DEFB126: variants seen among roughly 807,000 people sequenced by gnomAD.
DEFB126 encodes beta-defensin 126.
A neutral mutation model predicts 2.5 loss-of-function variants in DEFB126; 2 were observed. The ratio of observed to expected loss-of-function variants is 0.79; its 90% confidence interval spans 0.32 to 2.49. The LOEUF is 2.49. DEFB126 is among the 30% of genes most tolerant of loss of function. DEFB126 has a pLI of 0.11. For missense variants in DEFB126, 136 were observed against 135.4 expected (o/e 1.00, Z -0.02); for synonymous variants, 51 against 45.4 (o/e 1.12, Z -0.50).
In DEFB126 at chr20:145,675, G is replaced by A. The variant is rs79041881; in HGVS notation, c.319G>A (p.Val107Ile). The A allele has an allele frequency of 1.5e-5, 23 of 1,561,432 alleles. No individual in the cohort carries two copies. Among genetic ancestry groups the A allele is most frequent in the African/African-American group, 6.9e-5 (5 of 72,670 alleles). ...ASMSSMAPTP[V>I]SPTG The stretch of plus-strand genomic sequence containing the variant: ...GATGTCTTCGATGGCTCCTACCCCC[G>A]TTTCTCCCACTGGTTGAACATTCCA... The change falls in exon 2 of 2, where the codon GTT becomes ATT. Residue 107 changes from valine to isoleucine, a missense_variant. Val to Ile is a conservative substitution (Grantham distance 29). Transcript: ENST00000382398.
intron 1 of DEFB126, 100 bp downstream of exon 1, chr20:142,786 C>T: frequency 7.9e-7 from 1 of 1,263,522 alleles, no homozygotes. Context: ...GGTCTGGCTT[C>T]TCACTGGGAG....
At position 142,609 on chromosome 20, in the gene DEFB126, A is replaced by G. The variant is rs945982832; in HGVS notation, c.-20A>G. ...TACTGAATAGAGACTTCTGGACTCT[A>G]TAGAACCCACTGCCTCCTGATGAAG... On this transcript the variant is annotated 5_prime_UTR_variant, in exon 1 of 2. Coordinates refer to ENST00000382398, the MANE Select transcript of DEFB126 (RefSeq NM_030931.4). 7 of 1,613,440 alleles carry G rather than the reference A, an allele frequency of 4.3e-6. No homozygotes were observed. Among genetic ancestry groups the G allele is most frequent in the African/African-American group, 1.3e-5 (1 of 74,896 alleles).
rs770594157 is a variant in DEFB126 at position 145,655 on chromosome 20, C to G, written c.299C>G (p.Ser100Cys). Reference sequence around the variant, plus strand: ...TTGATGATGACTACTGCTTCGATGTCTTCGATGGCTCCTACCCCCGTTTCT... The same window carrying G: ...TTGATGATGACTACTGCTTCGATGTGTTCGATGGCTCCTACCCCCGTTTCT... ...TTLMMTTASM[S>C]SMAPTPVSPT... Residue 100 changes from serine to cysteine, a missense_variant, in exon 2 of 2, where the codon TCT (serine) becomes TGT (cysteine). Coordinates refer to ENST00000382398, the MANE Select transcript of DEFB126 (RefSeq NM_030931.4). 1 of 1,580,988 alleles carries G rather than the reference C, an allele frequency of 6.3e-7. No individual in the cohort carries two copies. Among genetic ancestry groups the G allele is most frequent in the African/African-American group, 1.5e-5 (1 of 65,312 alleles).
chr20:142,668 C>CT lies in DEFB126; in HGVS notation c.41dup (p.Ala15GlyfsTer7). The CT allele has an allele frequency of 6.2e-7, 1 of 1,613,838 alleles. No homozygotes were observed. Among genetic ancestry groups the CT allele is most frequent in the Non-Finnish European group, 8.5e-7 (1 of 1,179,742 alleles). On this transcript the variant is annotated frameshift_variant, in exon 1 of 2. Coordinates refer to ENST00000382398, the MANE Select transcript of DEFB126 (RefSeq NM_030931.4). LOFTEE classifies it low-confidence loss of function (END_TRUNC). ...GTTCACCCTTGCAGTTTTTATGCTC[C>CT]TGGCCCAATTGGTCTCAGGTAAACA...
At chr20:145,168 G>T (rs888844694) in intron 1 of DEFB126, among the ~76,000 whole-genome samples, 3 of 152,046 alleles carry the variant, frequency 2.0e-5, no homozygotes, top group African/African-American at 4.8e-5. Flanking sequence ...ATGGGGAATT[G>T]GCCCCTGGTA....
intron 1 of DEFB126, 27 bp downstream of exon 1, chr20:142,713 A>G: frequency 6.2e-7 from 1 of 1,611,992 alleles, no homozygotes; most frequent in Non-Finnish European, 8.5e-7. Flanking sequence ...GGAAGAAGAA[A>G]CACTGGCCTG....
chr20:143,314 A>G lies in DEFB126; in HGVS notation c.58+628A>G, dbSNP rs150984541. Among the ~76,000 whole-genome samples, 7 of 152,346 alleles carry G rather than the reference A, an allele frequency of 4.6e-5. No homozygotes were observed. In the East Asian group the frequency reaches 5.8e-4, roughly 13 times the overall value. Reference sequence around the variant, plus strand: ...TTACAAAACCAAGACAAGAACACTGAAAGTTATTTAGAAATAAATTGGCCA... The same window carrying G: ...TTACAAAACCAAGACAAGAACACTGGAAGTTATTTAGAAATAAATTGGCCA... On this transcript the variant is annotated intron_variant, in intron 1 of 1. Transcript: ENST00000382398.
At chr20:144,049 C>A (rs920273614) in intron 1 of DEFB126, among the ~76,000 whole-genome samples, 1 of 151,970 alleles carries the variant, frequency 6.6e-6, no homozygotes, top group African/African-American at 2.4e-5. Context: ...AGTTTATATT[C>A]CCTAATTTGC....
At chr20:143,149 G>C (rs1449762151) in intron 1 of DEFB126, among the ~76,000 whole-genome samples, 1 of 151,898 alleles carries the variant, frequency 6.6e-6, no homozygotes, top group South Asian at 2.1e-4. Flanking sequence ...AACAGGAAAG[G>C]CTGTTTCTAT....
intron 1 of DEFB126, 59 bp downstream of exon 1, chr20:142,745 G>A: frequency 6.4e-7 from 1 of 1,570,838 alleles, no homozygotes; most frequent in South Asian, 1.1e-5. Flanking sequence ...TGCACATGGA[G>A]TCCCTGTTTC....
At chr20:145,124 TAAC>T (rs919211716) in intron 1 of DEFB126, among the ~76,000 whole-genome samples, 4 of 152,308 alleles carry the variant, frequency 2.6e-5, no homozygotes, top group African/African-American at 9.6e-5. Context: ...TGTTCATGTA[TAAC>T]AACATGCTAT....
chr20:145,360 T>TA lies in DEFB126; in HGVS notation c.59-54dup, dbSNP rs2054662685. On this transcript the variant is annotated intron_variant, in intron 1 of 1. Coordinates refer to ENST00000382398, the MANE Select transcript of DEFB126 (RefSeq NM_030931.4). Reference sequence around the variant, plus strand: ...GTGCTCAAAAACTATTGCTATTTTTTATCCTCCTGTGATAAATACTTAGGC... The same window carrying TA: ...GTGCTCAAAAACTATTGCTATTTTTTAATCCTCCTGTGATAAATACTTAGGC... 8.5e-6 allele frequency: 13 copies of TA among 1,530,544 alleles called. No homozygotes were observed. The South Asian group carries it at 1.4e-4, about 16-fold the overall frequency. The allele number at this position is 1,530,544 out of a possible 1,614,324, so 94.8% of individuals were successfully genotyped here.
intron 1 of DEFB126, among the ~76,000 whole-genome samples, chr20:144,861 G>A (rs1019045989): frequency 6.6e-6 from 1 of 151,932 alleles, no homozygotes; most frequent in Non-Finnish European, 1.5e-5. Flanking sequence ...AACTTGACAT[G>A]ACATTTTTAA....
At chr20:143,853 G>A (rs371538025) in intron 1 of DEFB126, among the ~76,000 whole-genome samples, 2 of 152,042 alleles carry the variant, frequency 1.3e-5, no homozygotes, top group South Asian at 2.1e-4. Context: ...TGTTTTCTTT[G>A]CATTCTTCCA....
chr20:143,010 G>GT (rs139969869), intron 1 of DEFB126, among the ~76,000 whole-genome samples: 28,632 of 151,360 alleles, frequency 0.19, 3,356 homozygotes, highest in East Asian at 0.29. Flanking sequence ...TTTCACTTTT[G>GT]TTTTTTTTGC....
chr20:142,794 G>C, intron 1 of DEFB126, 108 bp downstream of exon 1: 2 of 1,151,254 alleles, frequency 1.7e-6, no homozygotes, highest in Admixed American at 3.4e-5. Context: ...TTCTCACTGG[G>C]AGCAGGGCTG....
chr20:145,531 T>C lies in DEFB126; in HGVS notation c.175T>C (p.Cys59Arg), dbSNP rs1226363773. ...WAMCGKQRDC[C>R]VPADRRANYP... ...AATGTGCGGCAAACAAAGGGACTGC[T>C]GTGTTCCAGCTGACAGACGTGCTAA... Residue 59 changes from cysteine (C) to arginine (R), a missense_variant, in exon 2 of 2, where the codon TGT becomes CGT. Physicochemically the swap from Cys to Arg is radical, Grantham distance 180. Coordinates refer to ENST00000382398, the MANE Select transcript of DEFB126 (RefSeq NM_030931.4). 1 of 1,614,102 alleles carries C rather than the reference T, an allele frequency of 6.2e-7. No homozygotes were observed. The highest frequency in any genetic ancestry group is 1.1e-5 in the South Asian group (1 of 91,076).
At chr20:144,630 C>A (rs1036939570) in intron 1 of DEFB126, among the ~76,000 whole-genome samples, 2 of 152,062 alleles carry the variant, frequency 1.3e-5, no homozygotes, top group South Asian at 4.1e-4. Context: ...AGAGCTCCAG[C>A]GTCACTCTAG....
In DEFB126 at chr20:145,458, CAAG is replaced by C. The variant is rs749729924; in HGVS notation, c.109_111del (p.Lys37del). 56 of 1,613,828 alleles carry C rather than the reference CAAG, an allele frequency of 3.5e-5. No homozygotes were observed. The South Asian group carries it at 3.7e-4, about 11-fold the overall frequency. On this transcript the variant is annotated inframe_deletion, in exon 2 of 2. Coordinates refer to ENST00000382398, the MANE Select transcript of DEFB126 (RefSeq NM_030931.4). ...AGTGTCTAAACGACGTTGGAATTTG[CAAG>C]AAGAAGTGCAAACCTGAAGAGATGC...
Sources: allele counts gnomAD v4.1 joint callset (sites outside exome capture counted in the v4.1 genomes callset), GRCh38; gene constraint gnomAD v4.1.1; transcripts MANE v1.5; gene names NCBI Gene and HGNC (gene_info 2026-07-23, HGNC 2026-07-21).